NWD2: variants seen among roughly 807,000 people sequenced by gnomAD.
NWD2 encodes the protein NACHT and WD repeat domain-containing protein 2.
A neutral mutation model predicts 132.7 loss-of-function variants in NWD2; 37 were observed. The observed-to-expected ratio is 0.28, with a 90% CI of 0.21 to 0.37. The LOEUF is 0.37. Ranked by LOEUF, NWD2 falls within the 10% of genes least tolerant of loss-of-function variation. NWD2 has a pLI of 1.00. For missense variants in NWD2, 1,592 were observed against 2,122.4 expected (o/e 0.75, Z 4.91); for synonymous variants, 705 against 803.0 (o/e 0.88, Z 2.06).
intron 3 of NWD2, among the ~76,000 whole-genome samples, chr4:37,425,270 G>C (rs1711969598): frequency 3.3e-5 from 5 of 152,156 alleles, no homozygotes; most frequent in Admixed American, 3.3e-4. Flanking sequence ...CCATTAGGAA[G>C]TGTTTATTAT....
intron 3 of NWD2, among the ~76,000 whole-genome samples, chr4:37,389,088 T>A (rs17576171): frequency 0.069 from 10,575 of 152,204 alleles, 447 homozygotes; most frequent in Middle Eastern, 0.2. Context: ...GAAACACCCC[T>A]CTGAGAAGAC....
In NWD2 at chr4:37,270,056, C is replaced by G. The variant is rs142141618; in HGVS notation, c.151+24838C>G. Among the ~76,000 whole-genome samples the G allele has an allele frequency of 2.6e-5, 4 of 151,820 alleles. No individual in the cohort carries two copies. In the East Asian group the frequency reaches 5.8e-4, roughly 22 times the overall value. On this transcript the variant is annotated intron_variant, in intron 1 of 6. Coordinates refer to ENST00000309447, the MANE Select transcript of NWD2 (RefSeq NM_001144990.2). ...GTTTCACTGAGGCTTTAATTTGCTT[C>G]TCTCTGAAGAGTACTGAAATTGGGC...
At chr4:37,368,448 A>G (rs767056767) in intron 3 of NWD2, among the ~76,000 whole-genome samples, 1 of 152,182 alleles carries the variant, frequency 6.6e-6, no homozygotes, top group Non-Finnish European at 1.5e-5. Context: ...AAACTGTGCT[A>G]AGTTCTGTGA....
At chr4:37,297,258 A>G (rs960186718) in intron 1 of NWD2, among the ~76,000 whole-genome samples, 1 of 152,204 alleles carries the variant, frequency 6.6e-6, no homozygotes. Context: ...CTTCTTCCAT[A>G]TAATTTAAAT....
intron 3 of NWD2, among the ~76,000 whole-genome samples, chr4:37,418,188 A>G (rs1577697039): frequency 6.6e-6 from 1 of 152,126 alleles, no homozygotes; most frequent in African/African-American, 2.4e-5. Context: ...AGGGCCCAGG[A>G]AGCCAACGAA....
intron 3 of NWD2, among the ~76,000 whole-genome samples, chr4:37,373,413 T>TA (rs1720270844): frequency 6.6e-6 from 1 of 152,230 alleles, no homozygotes. Flanking sequence ...TACAGCTTTC[T>TA]AAAAGGGTTG....
At chr4:37,379,062 T>G (rs998160606) in intron 3 of NWD2, among the ~76,000 whole-genome samples, 6 of 152,214 alleles carry the variant, frequency 3.9e-5, no homozygotes, top group African/African-American at 1.2e-4. Flanking sequence ...TAATCTGGAC[T>G]CCTCACTTAC....
chr4:37,365,594 G>A (rs371028890), intron 3 of NWD2, among the ~76,000 whole-genome samples: 29 of 152,312 alleles, frequency 1.9e-4, no homozygotes, highest in African/African-American at 6.5e-4. Flanking sequence ...AAATCAACTA[G>A]TTATCATAGC....
chr4:37,347,800 T>A (rs929847625), intron 2 of NWD2, among the ~76,000 whole-genome samples: 3 of 152,188 alleles, frequency 2.0e-5, no homozygotes, highest in African/African-American at 7.2e-5. Flanking sequence ...ATATTTACCA[T>A]TTTTTATTTG....
chr4:37,418,616 C>A (rs1044166757), intron 3 of NWD2, among the ~76,000 whole-genome samples: 8 of 115,732 alleles, frequency 6.9e-5, no homozygotes, highest in Admixed American at 5.9e-4. Context: ...CACTTAAATT[C>A]TGTGATCTTT....
intron 1 of NWD2, among the ~76,000 whole-genome samples, chr4:37,295,354 C>T (rs1718452440): frequency 6.6e-6 from 1 of 152,210 alleles, no homozygotes; most frequent in South Asian, 2.1e-4. Flanking sequence ...GAATCTATCT[C>T]TTTAAAGGAG....
chr4:37,289,335 T>C (rs866509631), intron 1 of NWD2, among the ~76,000 whole-genome samples: 1 of 152,224 alleles, frequency 6.6e-6, no homozygotes, highest in Non-Finnish European at 1.5e-5. Context: ...TACTTAGCTT[T>C]TGGATACTAA....
At chr4:37,343,979 A>G (rs1719581616) in intron 2 of NWD2, among the ~76,000 whole-genome samples, 1 of 152,198 alleles carries the variant, frequency 6.6e-6, no homozygotes, top group African/African-American at 2.4e-5. Context: ...AAGTTTTTAA[A>G]ACAACTGAGA....
At chr4:37,415,511 T>C (rs756266637) in intron 3 of NWD2, among the ~76,000 whole-genome samples, 1 of 152,080 alleles carries the variant, frequency 6.6e-6, no homozygotes, top group Non-Finnish European at 1.5e-5. Flanking sequence ...AAGACCATCC[T>C]GGCTAACACG....
At chr4:37,310,771 T>A (rs1426695650) in intron 1 of NWD2, among the ~76,000 whole-genome samples, 6 of 138,254 alleles carry the variant, frequency 4.3e-5, no homozygotes, top group Non-Finnish European at 6.3e-5. Context: ...CTCCTAATGC[T>A]ATCCCTCCCC....
intron 1 of NWD2, among the ~76,000 whole-genome samples, chr4:37,247,678 C>T (rs746382780): frequency 1.8e-4 from 27 of 151,942 alleles, no homozygotes; most frequent in Non-Finnish European, 3.2e-4. Context: ...GGCGCAATCT[C>T]GGCTCACTGC....
chr4:37,406,949 C>T, intron 3 of NWD2, among the ~76,000 whole-genome samples: 1 of 152,084 alleles, frequency 6.6e-6, no homozygotes, highest in East Asian at 1.9e-4. Flanking sequence ...ATGGATGAGG[C>T]TGGAAGCCAT....
chr4:37,446,931 G>A lies in NWD2; in HGVS notation c.4943G>A (p.Arg1648His), dbSNP rs979331538. The A allele has an allele frequency of 2.5e-5, 39 of 1,551,558 alleles. No homozygotes were observed. The highest frequency in any genetic ancestry group is 7.3e-5 in the East Asian group (3 of 40,940). The change falls in exon 7 of 7, where the codon CGT (arginine) becomes CAT (histidine). Residue 1648 changes from arginine (R) to histidine (H), a missense_variant. Physicochemically the swap from Arg to His is conservative, Grantham distance 29 (BLOSUM62 0). Transcript: ENST00000309447. The surrounding 1 kb of genome is among the most constrained non-coding windows in gnomAD (Gnocchi z 6.7). The part of the protein sequence containing the change: ...GSIGIYTVVD[R>H]VDAALKIKIA... ...ATAGGGATCTACACGGTAGTAGACC[G>A]TGTAGATGCTGCACTGAAAATCAAA...
At position 37,443,457 on chromosome 4, in the gene NWD2, A is replaced by C. The variant is rs951782182; in HGVS notation, c.1469A>C (p.His490Pro). 1 of 1,552,300 alleles carries C rather than the reference A, an allele frequency of 6.4e-7. No individual in the cohort carries two copies. Reference protein sequence around the residue: ...CLVQSYPKKIHDLCDLFINLL... With the variant: ...CLVQSYPKKIPDLCDLFINLL... ...GTTCAAAGCTACCCTAAGAAGATCC[A>C]TGACCTCTGTGACTTATTTATAAAT... is the stretch of plus-strand genomic sequence containing the variant. The change falls in exon 7 of 7, where the codon CAT (histidine) becomes CCT (proline). Residue 490 changes from histidine (H) to proline (P), a missense_variant. Physicochemically the swap from His to Pro is moderately conservative, Grantham distance 77 (BLOSUM62 -2). Around this residue, in one of 7 missense-constraint regions of NWD2, gnomAD observed 1,071 missense variants for 1,398.0 expected, o/e 0.77. Transcript: ENST00000309447. The surrounding 1 kb of genome is among the most constrained non-coding windows in gnomAD (Gnocchi z 4.1).
Sources: gnomAD v4.1 joint callset for allele counts (sites outside exome capture counted in the v4.1 genomes callset) on GRCh38, gnomAD v4.1.1 for gene constraint, gnomAD v4.1.1 regional missense constraint, Gnocchi (gnomAD v3.1) non-coding constraint, MANE v1.5 for transcripts, NCBI Gene and HGNC (gene_info 2026-07-23, HGNC 2026-07-21) for gene names.